Variants in XYLT1 observed in about 807,000 individuals in gnomAD.
The protein encoded by XYLT1 is xylosyltransferase 1, also known as beta-D-xylosyltransferase 1.
A neutral mutation model predicts 91.3 loss-of-function variants in XYLT1; 36 were observed. The observed-to-expected ratio is 0.39, with a 90% confidence interval of 0.30 to 0.52. XYLT1 has a LOEUF of 0.52. Among genes scored for constraint, XYLT1 ranks in the 20% least tolerant of loss-of-function variants. XYLT1 has a pLI of 0.68. For missense variants in XYLT1, 1,242 were observed against 1,284.5 expected, an observed-to-expected ratio of 0.97 and a Z score of 0.51; for synonymous variants, 588 against 532.0, an observed-to-expected ratio of 1.11 and a Z score of -1.45.
At chr16:17,144,892 TA>T (rs1052424078) in intron 6 of XYLT1, among the ~76,000 whole-genome samples, 6 of 152,204 alleles carry the variant, frequency 3.9e-5, no homozygotes, top group African/African-American at 1.4e-4. Flanking sequence ...AGCAGTGGTT[TA>T]AAATTAAGCA....
intron 1 of XYLT1, among the ~76,000 whole-genome samples, chr16:17,466,300 G>T (rs1330913099): frequency 6.6e-6 from 1 of 152,168 alleles, no homozygotes; most frequent in Non-Finnish European, 1.5e-5. Flanking sequence ...AGGTGTGTGT[G>T]TTAAGTTCTT....
At chr16:17,326,178 G>GA (rs2034798228) in intron 2 of XYLT1, among the ~76,000 whole-genome samples, 1 of 74,504 alleles carries the variant, frequency 1.3e-5, no homozygotes, top group Non-Finnish European at 2.4e-5. Flanking sequence ...ATTAACATGA[G>GA]ATCTACTCTC....
At chr16:17,212,853 C>T (rs1051644028) in intron 3 of XYLT1, among the ~76,000 whole-genome samples, 7 of 152,218 alleles carry the variant, frequency 4.6e-5, no homozygotes, top group Admixed American at 6.5e-5. Flanking sequence ...GTCACTTGGC[C>T]TGTAACATAT....
chr16:17,357,861 G>A (rs1010732613), intron 2 of XYLT1, 151 bp downstream of exon 2: 1 of 771,832 alleles, frequency 1.3e-6, no homozygotes. Context: ...ATATGCCAGT[G>A]TGTATACATA....
intron 2 of XYLT1, among the ~76,000 whole-genome samples, chr16:17,305,902 G>GCAGT (rs1029911376): frequency 2.6e-5 from 4 of 152,094 alleles, no homozygotes; most frequent in African/African-American, 9.7e-5. Context: ...CCCTGTGGGG[G>GCAGT]CAGTCACTTC....
intron 3 of XYLT1, among the ~76,000 whole-genome samples, chr16:17,235,309 C>CTTTTTTT (rs3060127): frequency 7.2e-6 from 1 of 138,258 alleles, no homozygotes. Context: ...TCATTATCAT[C>CTTTTTTT]TTTTTTTTTT....
At chr16:17,221,320 T>A (rs1159639728) in intron 3 of XYLT1, among the ~76,000 whole-genome samples, 1 of 152,186 alleles carries the variant, frequency 6.6e-6, no homozygotes, top group Non-Finnish European at 1.5e-5. Context: ...AGCATTTTTT[T>A]AAGCACTTAC....
intron 5 of XYLT1, among the ~76,000 whole-genome samples, chr16:17,167,862 C>T (rs1028559967): frequency 6.6e-6 from 1 of 152,092 alleles, no homozygotes; most frequent in Non-Finnish European, 1.5e-5. Context: ...GGATTCTAAC[C>T]CATCCTTCCA....
chr16:17,397,730 G>T (rs1011854815), intron 1 of XYLT1, among the ~76,000 whole-genome samples: 2 of 152,048 alleles, frequency 1.3e-5, no homozygotes, highest in Non-Finnish European at 2.9e-5. Context: ...CGGAACCTGA[G>T]CCTTTGAGTC....
At chr16:17,388,384 T>G (rs577754439) in intron 1 of XYLT1, among the ~76,000 whole-genome samples, 1 of 152,142 alleles carries the variant, frequency 6.6e-6, no homozygotes, top group Non-Finnish European at 1.5e-5. Context: ...GATAAGCATG[T>G]AGAGGACCAG....
At chr16:17,187,562 G>A (rs1352641771) in intron 5 of XYLT1, among the ~76,000 whole-genome samples, 2 of 63,576 alleles carry the variant, frequency 3.1e-5, no homozygotes, top group Admixed American at 2.2e-4. Context: ...GCCAAACGCT[G>A]TCTCAAAAAA....
At chr16:17,224,221 C>G in intron 3 of XYLT1, among the ~76,000 whole-genome samples, 1 of 152,212 alleles carries the variant, frequency 6.6e-6, no homozygotes. Context: ...CACATTCTAT[C>G]AGCGACAAGA....
Position 17,117,859 on chromosome 16 carries a change from C to T in XYLT1, c.2344G>A (p.Val782Ile), listed in dbSNP as rs778581218. 3.3e-5 allele frequency: 53 copies of T among 1,613,980 alleles called. No homozygotes were observed. Among genetic ancestry groups the T allele is most frequent in the South Asian group, 1.2e-4 (11 of 91,088 alleles). Residue 782 changes from valine to isoleucine, a missense_variant, in exon 11 of 12, where the codon GTC (valine) becomes ATC (isoleucine). Val to Ile is a conservative substitution (Grantham distance 29). Transcript: ENST00000261381. ...WGKGPNVTVT[V>I]IWVDPVNVIA... ...ACATTGACGGGATCCACCCAAATGA[C>T]GGTCACGGTCACATTAGGTCCCTTC...
chr16:17,297,335 G>A (rs142517264), intron 2 of XYLT1, among the ~76,000 whole-genome samples: 2 of 152,158 alleles, frequency 1.3e-5, no homozygotes, highest in Non-Finnish European at 2.9e-5. Flanking sequence ...AGGAAGCCAA[G>A]GCAGGAGGAT....
At chr16:17,145,469 C>G (rs2031107632) in intron 6 of XYLT1, among the ~76,000 whole-genome samples, 1 of 152,140 alleles carries the variant, frequency 6.6e-6, no homozygotes, top group South Asian at 2.1e-4. Context: ...AGGGGCTTTT[C>G]TATGAGATTT....
At chr16:17,360,865 G>A (rs1016087790) in intron 1 of XYLT1, among the ~76,000 whole-genome samples, 3 of 152,222 alleles carry the variant, frequency 2.0e-5, no homozygotes, top group South Asian at 2.1e-4. Flanking sequence ...AATTTGCAAT[G>A]TGCGTGCACG....
intron 1 of XYLT1, among the ~76,000 whole-genome samples, chr16:17,469,230 G>A (rs2036944447): frequency 6.6e-6 from 1 of 152,216 alleles, no homozygotes; most frequent in African/African-American, 2.4e-5. Context: ...CTTCAGTGAG[G>A]ACTTCCAAAG....
At chr16:17,237,576 T>C (rs867935007) in intron 3 of XYLT1, among the ~76,000 whole-genome samples, 2 of 152,218 alleles carry the variant, frequency 1.3e-5, no homozygotes, top group South Asian at 4.1e-4. Flanking sequence ...TAGTGAAGTG[T>C]GCCTGTGGCA....
chr16:17,259,138 G>A lies in XYLT1; in HGVS notation c.763C>T (p.Pro255Ser), dbSNP rs147956105. ...SSPETKYDQP[P>S]KCDISGKEAI... ...TCCTTGCCTGAGATGTCACACTTAG[G>A]GGGCTGGTCATACTTGGTCTCGGGG... The change falls in exon 3 of 12, where the codon CCT (proline) becomes TCT (serine). Residue 255 changes from proline (P) to serine (S), a missense_variant. Coordinates refer to ENST00000261381, the MANE Select transcript of XYLT1 (RefSeq NM_022166.4). The A allele has an allele frequency of 6.3e-7, 1 of 1,590,264 alleles. No individual in the cohort carries two copies. The highest frequency in any genetic ancestry group is 1.4e-5 in the African/African-American group (1 of 73,606).
Sources: allele counts gnomAD v4.1 joint callset (sites outside exome capture counted in the v4.1 genomes callset), GRCh38; gene constraint gnomAD v4.1.1; transcripts MANE v1.5; gene names NCBI Gene and HGNC (gene_info 2026-07-23, HGNC 2026-07-21).